Variants in SDK1 observed in about 807,000 individuals in gnomAD.
SDK1 encodes protein sidekick-1.
SDK1 carries 157 observed loss-of-function variants against 245.5 expected under a neutral mutation model. That is an observed-to-expected ratio of 0.64 (90% CI 0.56 to 0.73). SDK1 has a LOEUF of 0.73. Ranked by LOEUF, SDK1 falls within the 30% of genes least tolerant of loss-of-function variation. The pLI, the probability that SDK1 is intolerant of heterozygous loss-of-function variation, is 0.00. For missense variants in SDK1, 3,583 were observed against 3,002.3 expected (o/e 1.19, Z -4.52); for synonymous variants, 1,647 against 1,278.5 (o/e 1.29, Z -6.15).
chr7:4,072,186 G>A (rs1780295888), intron 20 of SDK1, among the ~76,000 whole-genome samples: 1 of 152,180 alleles, frequency 6.6e-6, no homozygotes, highest in African/African-American at 2.4e-5. Context: ...GCTTGACTTC[G>A]AAGCTCGAGC....
At position 3,416,980 on chromosome 7, in the gene SDK1, C is replaced by G. The variant is rs148668105; in HGVS notation, c.298+115096C>G. ...CTGAGGTCAGGAGTTCAAGACCAGT[C>G]TGGCCAACATGGTGAAACACTGTCT... On this transcript the variant is annotated intron_variant, in intron 1 of 44. Transcript: ENST00000404826. 5.1e-3 allele frequency among the ~76,000 whole-genome samples: 773 copies of G among 152,174 alleles called. 7 individuals carry two copies. The highest frequency in any genetic ancestry group is 0.018 in the African/African-American group (736 of 41,520).
At chr7:3,342,954 G>A (rs1023032010) in intron 1 of SDK1, among the ~76,000 whole-genome samples, 2 of 151,194 alleles carry the variant, frequency 1.3e-5, no homozygotes, top group African/African-American at 2.4e-5. Flanking sequence ...CTAGCCATTA[G>A]GGAAATGGAA....
At chr7:3,640,711 T>C (rs1782620768) in intron 3 of SDK1, among the ~76,000 whole-genome samples, 1 of 152,028 alleles carries the variant, frequency 6.6e-6, no homozygotes, top group South Asian at 2.1e-4. Context: ...TGAGACGGAG[T>C]CTGGCTCTGT....
At chr7:4,124,586 A>G (rs1381348379) in intron 25 of SDK1, among the ~76,000 whole-genome samples, 1 of 152,218 alleles carries the variant, frequency 6.6e-6, no homozygotes, top group Non-Finnish European at 1.5e-5. Flanking sequence ...GTCTCCAAAT[A>G]AGGTCACCTT....
At chr7:4,055,738 C>A (rs1324588715) in intron 19 of SDK1, among the ~76,000 whole-genome samples, 3 of 151,982 alleles carry the variant, frequency 2.0e-5, no homozygotes, top group Admixed American at 6.6e-5. Context: ...TGGTTGAAGA[C>A]CTTTCCTTGT....
intron 4 of SDK1, among the ~76,000 whole-genome samples, chr7:3,797,015 TTTC>T (rs1778977186): frequency 1.3e-5 from 2 of 152,014 alleles, no homozygotes; most frequent in African/African-American, 2.4e-5. Flanking sequence ...CTTTCTTTTT[TTTC>T]TTTAGAGACA....
At chr7:4,084,100 G>A (rs1280008045) in intron 22 of SDK1, among the ~76,000 whole-genome samples, 2 of 152,064 alleles carry the variant, frequency 1.3e-5, no homozygotes, top group African/African-American at 2.4e-5. Context: ...TTTAGCTGTT[G>A]GAACTCTAAA....
intron 1 of SDK1, among the ~76,000 whole-genome samples, chr7:3,566,224 C>CTTTTTTTT (rs568790658): frequency 3.2e-5 from 4 of 125,396 alleles, no homozygotes; most frequent in Admixed American, 8.4e-5. Context: ...TAAACTTCTT[C>CTTTTTTTT]TTTTTTTTTT....
intron 22 of SDK1, among the ~76,000 whole-genome samples, chr7:4,101,629 G>A (rs1278803097): frequency 6.6e-6 from 1 of 152,180 alleles, no homozygotes; most frequent in Non-Finnish European, 1.5e-5. Context: ...GATGACAGAG[G>A]ACGATGGTGT....
chr7:4,200,240 C>T (rs933159352), intron 35 of SDK1, among the ~76,000 whole-genome samples: 2 of 152,192 alleles, frequency 1.3e-5, no homozygotes, highest in African/African-American at 4.8e-5. Context: ...CCATGAAATC[C>T]AACATTCATG....
chr7:3,956,202 C>T (rs1001273834), intron 7 of SDK1, among the ~76,000 whole-genome samples: 3 of 152,186 alleles, frequency 2.0e-5, no homozygotes, highest in Admixed American at 6.5e-5. Context: ...GACATGCCCT[C>T]GCCCTCTTGC....
intron 1 of SDK1, among the ~76,000 whole-genome samples, chr7:3,617,979 A>C (rs937821523): frequency 6.6e-6 from 1 of 152,100 alleles, no homozygotes; most frequent in Non-Finnish European, 1.5e-5. Flanking sequence ...GCCTGAATGA[A>C]AGTTAGAAAG....
intron 13 of SDK1, among the ~76,000 whole-genome samples, chr7:3,984,335 A>C (rs940356523): frequency 6.6e-6 from 1 of 152,138 alleles, no homozygotes; most frequent in Non-Finnish European, 1.5e-5. Flanking sequence ...AAGGCAGTCC[A>C]CCCACCTGGC....
intron 4 of SDK1, among the ~76,000 whole-genome samples, chr7:3,723,658 T>C (rs1333422699): frequency 7.5e-6 from 1 of 134,112 alleles, no homozygotes; most frequent in Admixed American, 7.3e-5. Context: ...TAAGTAAAAG[T>C]TGTGTGTGTG....
chr7:3,693,192 A>T (rs2114998138), intron 4 of SDK1, among the ~76,000 whole-genome samples: 1 of 152,178 alleles, frequency 6.6e-6, no homozygotes, highest in East Asian at 1.9e-4. Context: ...TGCTACTTTG[A>T]GACTGTGTGG....
At chr7:4,017,447 G>A (rs1419577956) in intron 17 of SDK1, 95 bp downstream of exon 17, 1 of 1,115,722 alleles carries the variant, frequency 9.0e-7, no homozygotes, top group Non-Finnish European at 1.3e-6. Flanking sequence ...GAAAAACAGA[G>A]AATCCAGTCC....
chr7:3,463,931 C>G (rs1318769125), intron 1 of SDK1, among the ~76,000 whole-genome samples: 1 of 152,164 alleles, frequency 6.6e-6, no homozygotes, highest in African/African-American at 2.4e-5. Flanking sequence ...GCATGTGTAA[C>G]CTCAGGGCTT....
rs531278805 is a variant in SDK1 at position 4,042,173 on chromosome 7, A to G, written c.2603-7175A>G. On this transcript the variant is annotated intron_variant, in intron 17 of 44. Transcript: ENST00000404826. ...TTTATGGCTACAAAAACTAACAGAT[A>G]TCCCTGTCTCTGGGTCCCTGTGTAA... 1.5e-4 allele frequency among the ~76,000 whole-genome samples: 21 copies of G among 136,036 alleles called. 6 individuals are homozygous for G. The highest frequency in any genetic ancestry group is 7.1e-4 in the African/African-American group (21 of 29,552). The allele number at this position is 136,036 out of a possible 152,430, so 89.2% of individuals were successfully genotyped here. A position where few individuals can be genotyped will look rare whatever the true frequency, so the allele number is the denominator to read the frequency against.
At chr7:3,446,866 C>G (rs1191144205) in intron 1 of SDK1, among the ~76,000 whole-genome samples, 1 of 152,082 alleles carries the variant, frequency 6.6e-6, no homozygotes, top group Non-Finnish European at 1.5e-5. Context: ...TGTGTTTATT[C>G]TCTTCACAGT....
Sources: gnomAD v4.1 joint callset for allele counts (sites outside exome capture counted in the v4.1 genomes callset) on GRCh38, gnomAD v4.1.1 for gene constraint, MANE v1.5 for transcripts, NCBI Gene and HGNC (gene_info 2026-07-23, HGNC 2026-07-21) for gene names.